The following AGAP1 variants were observed in gnomAD, a reference collection of about 807,000 sequenced individuals.
The protein encoded by AGAP1 is arf-GAP with GTPase, ANK repeat and PH domain-containing protein 1.
AGAP1 carries 29 observed loss-of-function variants against 105.3 expected under a neutral mutation model. The ratio of observed to expected loss-of-function variants is 0.28; its 90% CI spans 0.21 to 0.38. The LOEUF is 0.38. Among genes scored for constraint, AGAP1 ranks in the 10% least tolerant of loss-of-function variants. The probability of loss-of-function intolerance (pLI) is 1.00; values close to 1 mark genes in which losing one functional copy is unlikely to be tolerated. For synonymous variants in AGAP1, 509 were observed against 485.9 expected (o/e 1.05, Z -0.63); for missense variants, 998 against 1,165.1 (o/e 0.86, Z 2.09).
At position 235,721,277 on chromosome 2, in the gene AGAP1, G is replaced by A. The variant is rs1015956745; in HGVS notation, c.310+3633G>A. Among the ~76,000 whole-genome samples, 6 of 152,154 alleles carry A rather than the reference G, an allele frequency of 3.9e-5. No homozygotes were observed. Among genetic ancestry groups the A allele is most frequent in the Admixed American group, 3.9e-4 (6 of 15,272 alleles). Reference sequence around the variant, plus strand: ...CCTGCCTGGGCCTCCCAAAGTGCTGGGATTACAGGCATGAGCCACCACGTC... The same window carrying A: ...CCTGCCTGGGCCTCCCAAAGTGCTGAGATTACAGGCATGAGCCACCACGTC... On this transcript the variant is annotated intron_variant, in intron 3 of 17. Coordinates refer to ENST00000304032, the MANE Select transcript of AGAP1 (RefSeq NM_001037131.3). This position sits in a 1 kb window ranked among gnomAD's most constrained non-coding sequence, Gnocchi z 4.5.
rs2054750441 is a variant in AGAP1, at chr2:235,973,790, G to A, written c.1645+5167G>A. 6.6e-6 allele frequency among the ~76,000 whole-genome samples: 1 copy of A among 152,096 alleles called. No homozygotes were observed. The highest frequency in any genetic ancestry group is 1.5e-5 in the Non-Finnish European group (1 of 68,026). ...AGGGAGTGACCCCGACCCTGCATGG[G>A]GTCGGCATGGGTTGGACCAGGGCAG... On this transcript the variant is annotated intron_variant, in intron 13 of 17. Coordinates refer to ENST00000304032, the MANE Select transcript of AGAP1 (RefSeq NM_001037131.3). The surrounding 1 kb of genome is among the most constrained non-coding windows in gnomAD (Gnocchi z 4.7).
chr2:235,708,739 A>G (rs1950673869), intron 1 of AGAP1, among the ~76,000 whole-genome samples: 1 of 152,192 alleles, frequency 6.6e-6, no homozygotes, highest in South Asian at 2.1e-4. Context: ...CAGAAAAATG[A>G]CTATTGTAGT....
chr2:235,980,873 G>C (rs1246571725), intron 13 of AGAP1, among the ~76,000 whole-genome samples: 1 of 152,140 alleles, frequency 6.6e-6, no homozygotes, highest in Non-Finnish European at 1.5e-5. Context: ...GAAAGGATGG[G>C]ATTGTTTCTT....
intron 1 of AGAP1, among the ~76,000 whole-genome samples, chr2:235,695,059 C>G (rs1484905868): frequency 6.6e-6 from 1 of 152,164 alleles, no homozygotes; most frequent in Non-Finnish European, 1.5e-5. Flanking sequence ...ACCTCAAAAC[C>G]AGTTAAGAAT....
intron 10 of AGAP1, among the ~76,000 whole-genome samples, chr2:235,885,726 T>C (rs2050243981): frequency 6.6e-6 from 1 of 152,248 alleles, no homozygotes; most frequent in South Asian, 2.1e-4. Context: ...TCTTTTAGCG[T>C]AGCTATACCT....
In AGAP1 at chr2:236,119,645, C is replaced by A. The variant is rs920024135; in HGVS notation, c.2115-547C>A. 3.3e-5 allele frequency among the ~76,000 whole-genome samples: 5 copies of A among 151,310 alleles called. No homozygotes were observed. Among genetic ancestry groups the A allele is most frequent in the African/African-American group, 9.7e-5 (4 of 41,230 alleles). Reference sequence around the variant, plus strand: ...ACTTACAGTCCTGCTTACAGTAAAGCAACTCTCGGCCCCAGAGACCATGCT... The same window carrying A: ...ACTTACAGTCCTGCTTACAGTAAAGAAACTCTCGGCCCCAGAGACCATGCT... On this transcript the variant is annotated intron_variant, in intron 16 of 17. Transcript: ENST00000304032. The surrounding 1 kb of genome is among the most constrained non-coding windows in gnomAD (Gnocchi z 6.6).
At chr2:235,999,101 A>AGGT (rs774372086) in intron 13 of AGAP1, among the ~76,000 whole-genome samples, 1 of 137,412 alleles carries the variant, frequency 7.3e-6, no homozygotes. Flanking sequence ...TGATGGTGAG[A>AGGT]GGTGGTGGTG....
At position 236,128,795 on chromosome 2, in the gene AGAP1, C is replaced by T. The variant is rs1485839252; in HGVS notation, c.*4673C>T. 1 of 152,170 alleles carries T rather than the reference C, an allele frequency of 6.6e-6. No individual in the cohort carries two copies. Among genetic ancestry groups the T allele is most frequent in the Non-Finnish European group, 1.5e-5 (1 of 68,040 alleles). The allele number at this position is 152,170 out of a possible 1,614,324, so 9.4% of individuals were successfully genotyped here. ...CAGGCCTCAGCAACTACTCAGGAGG[C>T]AAAGGTGTTTGGAAAGCAAACCCCA... On this transcript the variant is annotated 3_prime_UTR_variant, in exon 18 of 18. Coordinates refer to ENST00000304032, the MANE Select transcript of AGAP1 (RefSeq NM_001037131.3). This position sits in a 1 kb window ranked among gnomAD's most constrained non-coding sequence, Gnocchi z 5.9.
At position 235,700,878 on chromosome 2, in the gene AGAP1, TTATAA is replaced by T. The variant is rs1207054618; in HGVS notation, c.164-8296_164-8292del. Among the ~76,000 whole-genome samples the T allele has an allele frequency of 6.1e-5, 9 of 147,928 alleles. No individual in the cohort carries two copies. The highest frequency in any genetic ancestry group is 2.2e-4 in the African/African-American group (9 of 40,650). The stretch of plus-strand genomic sequence containing the variant: ...ATTGTATACTCTACATAGTATATAT[TTATAA>T]TATATGTATATAATGTATAATATAT... On this transcript the variant is annotated intron_variant, in intron 1 of 17. Coordinates refer to ENST00000304032, the MANE Select transcript of AGAP1 (RefSeq NM_001037131.3). The surrounding 1 kb of genome is among the most constrained non-coding windows in gnomAD (Gnocchi z 6.1).
intron 9 of AGAP1, among the ~76,000 whole-genome samples, chr2:235,846,759 C>T (rs1961542812): frequency 1.3e-5 from 2 of 152,186 alleles, no homozygotes; most frequent in Non-Finnish European, 1.5e-5. Context: ...ACCCCAGCCT[C>T]CCCAGTAGCT....
intron 16 of AGAP1, among the ~76,000 whole-genome samples, chr2:236,074,927 C>T (rs574112497): frequency 5.9e-5 from 9 of 152,202 alleles, no homozygotes; most frequent in African/African-American, 1.4e-4. Context: ...TGGTTGCACG[C>T]GTGTAGTCCT....
intron 16 of AGAP1, among the ~76,000 whole-genome samples, chr2:236,084,227 G>T (rs1455140989): frequency 1.3e-5 from 2 of 151,316 alleles, no homozygotes; most frequent in African/African-American, 4.9e-5. Flanking sequence ...GAAGGGCGGG[G>T]GGGGGTCTCT....
Position 235,744,534 on chromosome 2 carries a change from G to T in AGAP1, c.397-164G>T, listed in dbSNP as rs1390001174. On this transcript the variant is annotated intron_variant, in intron 4 of 17. Transcript: ENST00000304032. This position sits in a 1 kb window ranked among gnomAD's most constrained non-coding sequence, Gnocchi z 5.2. ...ATGGTGTGCTCAGGAGGAGGACGTGGATGCCGTGACAGTGTGTAAAAGTGA... is the reference window on the plus strand; with the variant it reads ...ATGGTGTGCTCAGGAGGAGGACGTGTATGCCGTGACAGTGTGTAAAAGTGA... Among the ~76,000 whole-genome samples, 1 of 152,156 alleles carries T rather than the reference G, an allele frequency of 6.6e-6. No homozygotes were observed. Among genetic ancestry groups the T allele is most frequent in the African/African-American group, 2.4e-5 (1 of 41,450 alleles).
intron 13 of AGAP1, among the ~76,000 whole-genome samples, chr2:236,011,561 C>A (rs995632079): frequency 2.6e-5 from 4 of 152,188 alleles, no homozygotes; most frequent in African/African-American, 9.7e-5. Context: ...ATGGAAAACA[C>A]TAACGGAATG....
chr2:235,871,757 T>A (rs2049454442), intron 9 of AGAP1, among the ~76,000 whole-genome samples: 1 of 152,194 alleles, frequency 6.6e-6, no homozygotes. Context: ...CTGACTTATC[T>A]GTCAGAGCTT....
intron 1 of AGAP1, among the ~76,000 whole-genome samples, chr2:235,699,296 G>A (rs1441072573): frequency 2.0e-5 from 3 of 152,152 alleles, no homozygotes; most frequent in African/African-American, 7.2e-5. Flanking sequence ...AGTGTCTTTG[G>A]TTGCGTTGTC....
chr2:235,852,870 A>T, intron 9 of AGAP1: 2 of 1,394,864 alleles, frequency 1.4e-6, no homozygotes, highest in Non-Finnish European at 1.9e-6. Flanking sequence ...GAGTTAACAT[A>T]GAGGTGAACT....
intron 13 of AGAP1, among the ~76,000 whole-genome samples, chr2:236,023,309 C>T (rs2056944890): frequency 6.6e-6 from 1 of 152,086 alleles, no homozygotes; most frequent in African/African-American, 2.4e-5. Context: ...CTGGCACCTC[C>T]CTTGCAGATA....
rs3754651 is a variant in AGAP1, at chr2:236,053,416, G to A, written c.2114+4135G>A. 4.7e-4 allele frequency among the ~76,000 whole-genome samples: 71 copies of A among 152,296 alleles called. No individual in the cohort carries two copies. The highest frequency in any genetic ancestry group is 1.6e-3 in the African/African-American group (68 of 41,584). Reference sequence around the variant, plus strand: ...CCAGCAAAGCCGTCTCAGTAAACCCGTCCACGCACATCCTCTCTCCCTCGC... The same window carrying A: ...CCAGCAAAGCCGTCTCAGTAAACCCATCCACGCACATCCTCTCTCCCTCGC... On this transcript the variant is annotated intron_variant, in intron 16 of 17. Transcript: ENST00000304032. The surrounding 1 kb of genome is among the most constrained non-coding windows in gnomAD (Gnocchi z 4.6).
Sources: gnomAD v4.1 joint callset for allele counts (sites outside exome capture counted in the v4.1 genomes callset) on GRCh38, gnomAD v4.1.1 for gene constraint, Gnocchi (gnomAD v3.1) non-coding constraint, MANE v1.5 for transcripts, NCBI Gene and HGNC (gene_info 2026-07-23, HGNC 2026-07-21) for gene names.